SYN3: variants seen among roughly 807,000 people sequenced by gnomAD.
SYN3 encodes synapsin III, also known as synapsin-3.
In SYN3, 35 loss-of-function variants were observed where a neutral mutation model predicts 65.8. The observed-to-expected ratio is 0.53, with a 90% CI of 0.41 to 0.70. The LOEUF (loss-of-function observed/expected upper bound fraction) is 0.70, where lower values mean the gene tolerates loss of function less well. SYN3 is among the 30% of genes least tolerant of loss of function. SYN3 has a pLI of 0.00. For synonymous variants in SYN3, 270 were observed against 292.9 expected (o/e 0.92, Z 0.80); for missense variants, 680 against 749.0 (o/e 0.91, Z 1.08).
At chr22:32,867,489 A>G (rs2048716165) in intron 5 of SYN3, among the ~76,000 whole-genome samples, 1 of 152,250 alleles carries the variant, frequency 6.6e-6, no homozygotes, top group African/African-American at 2.4e-5. Flanking sequence ...ATAATGCACA[A>G]ATGAATGGAT....
chr22:32,922,740 G>A (rs972346373), intron 4 of SYN3, among the ~76,000 whole-genome samples: 3 of 152,132 alleles, frequency 2.0e-5, no homozygotes, highest in Non-Finnish European at 1.5e-5. Context: ...AAGAGTTCTG[G>A]CACTGGCCTG....
chr22:32,986,068 A>G lies in SYN3; in HGVS notation c.312-5366T>C, dbSNP rs187810528. Among the ~76,000 whole-genome samples the G allele has an allele frequency of 6.6e-5, 10 of 152,206 alleles. No homozygotes were observed. In the East Asian group the frequency reaches 1.7e-3, roughly 27 times the overall value. On this transcript the variant is annotated intron_variant, in intron 2 of 13. Coordinates refer to ENST00000358763, the MANE Select transcript of SYN3 (RefSeq NM_003490.4). Reference sequence around the variant, plus strand: ...TAGTCTGTGAGCTCCTGGAAACCAGAAACTGAGTCTCCATGCTCACTGTGT... The same window carrying G: ...TAGTCTGTGAGCTCCTGGAAACCAGGAACTGAGTCTCCATGCTCACTGTGT...
chr22:32,622,195 A>G (rs572126974), intron 6 of SYN3, among the ~76,000 whole-genome samples: 451 of 152,046 alleles, frequency 3.0e-3, no homozygotes, highest in Non-Finnish European at 5.5e-3. Context: ...GAGAATGCAC[A>G]AAGGCCCCAC....
intron 3 of SYN3, among the ~76,000 whole-genome samples, chr22:32,976,814 T>C (rs2052204829): frequency 6.6e-6 from 1 of 152,164 alleles, no homozygotes; most frequent in South Asian, 2.1e-4. Context: ...GGAGGCTTCC[T>C]CTAGGCCAAC....
At chr22:32,717,297 C>G (rs1555934449) in intron 6 of SYN3, among the ~76,000 whole-genome samples, 1 of 152,186 alleles carries the variant, frequency 6.6e-6, no homozygotes, top group Non-Finnish European at 1.5e-5. Flanking sequence ...AGAAGAAAGA[C>G]CCCTGTAAGG....
intron 7 of SYN3, among the ~76,000 whole-genome samples, chr22:32,575,276 C>T (rs1202920898): frequency 2.0e-5 from 3 of 152,222 alleles, no homozygotes; most frequent in Admixed American, 6.5e-5. Context: ...GAAGGTTGGA[C>T]GCCACATCTT....
In SYN3 at chr22:32,751,876, C is replaced by T. The variant is rs12106640; in HGVS notation, c.711+113039G>A. Among the ~76,000 whole-genome samples, 922 of 152,276 alleles carry T rather than the reference C, an allele frequency of 6.1e-3. 8 individuals carry two copies. Among genetic ancestry groups the T allele is most frequent in the African/African-American group, 0.021 (886 of 41,554 alleles). Reference sequence around the variant, plus strand: ...AAAATAATAGGAAGCATTTAGTGAGCACTTACTATGTGTCAGCTGGGCACT... The same window carrying T: ...AAAATAATAGGAAGCATTTAGTGAGTACTTACTATGTGTCAGCTGGGCACT... On this transcript the variant is annotated intron_variant, in intron 6 of 13. Transcript: ENST00000358763.
In SYN3 at chr22:32,528,861, G is replaced by A. The variant is rs759694221; in HGVS notation, c.1230+13C>T. ...CATGGCTATAAAGTCTCCTTTGATCGTGAGGGTCTTACCCAAGGTCTGAGG... is the reference window on the plus strand; with the variant it reads ...CATGGCTATAAAGTCTCCTTTGATCATGAGGGTCTTACCCAAGGTCTGAGG... On this transcript the variant is annotated intron_variant, in intron 11 of 13. Coordinates refer to ENST00000358763, the MANE Select transcript of SYN3 (RefSeq NM_003490.4). 8 of 1,613,940 alleles carry A rather than the reference G, an allele frequency of 5.0e-6. No homozygotes were observed. The highest frequency in any genetic ancestry group is 2.7e-5 in the African/African-American group (2 of 74,934).
intron 6 of SYN3, chr22:32,857,384 G>A (rs2048400544): frequency 6.3e-7 from 1 of 1,592,632 alleles, no homozygotes; most frequent in Non-Finnish European, 8.6e-7. Context: ...CTAGCTTCTA[G>A]GCCAGGGTTT....
chr22:32,577,187 T>TC (rs2058864127), intron 7 of SYN3, among the ~76,000 whole-genome samples: 1 of 152,130 alleles, frequency 6.6e-6, no homozygotes, highest in South Asian at 2.1e-4. Flanking sequence ...CATCGCTGCT[T>TC]CCCCCCATTC....
intron 4 of SYN3, among the ~76,000 whole-genome samples, chr22:32,884,363 T>A (rs1415466043): frequency 6.6e-6 from 1 of 152,140 alleles, no homozygotes; most frequent in Non-Finnish European, 1.5e-5. Context: ...AACTGTGGGA[T>A]CCCAGGAACA....
Position 32,826,461 on chromosome 22 carries a change from A to G in SYN3, c.711+38454T>C, listed in dbSNP as rs570681070. On this transcript the variant is annotated intron_variant, in intron 6 of 13. Coordinates refer to ENST00000358763, the MANE Select transcript of SYN3 (RefSeq NM_003490.4). Reference sequence around the variant, plus strand: ...ATAAATAAATAAATAAACAAAATTTAAAAAGGTAATAATGTAAGAAAATAA... The same window carrying G: ...ATAAATAAATAAATAAACAAAATTTGAAAAGGTAATAATGTAAGAAAATAA... 5.5e-4 allele frequency among the ~76,000 whole-genome samples: 83 copies of G among 152,280 alleles called. 1 individual carries two copies. The highest frequency in any genetic ancestry group is 1.9e-3 in the African/African-American group (81 of 41,562).
At chr22:33,041,102 A>G (rs183966231) in intron 1 of SYN3, among the ~76,000 whole-genome samples, 1,882 of 151,608 alleles carry the variant, frequency 0.012, 16 homozygotes, top group Middle Eastern at 0.031. Context: ...TATTTTTAGT[A>G]GAGATGGGTT....
In SYN3 at chr22:33,002,315, C is replaced by T. The variant is rs201309015; in HGVS notation, c.311+4037G>A. Among the ~76,000 whole-genome samples, 14 of 152,276 alleles carry T rather than the reference C, an allele frequency of 9.2e-5. No homozygotes were observed. In the East Asian group the frequency reaches 1.9e-3, roughly 21 times the overall value. On this transcript the variant is annotated intron_variant, in intron 2 of 13. Coordinates refer to ENST00000358763, the MANE Select transcript of SYN3 (RefSeq NM_003490.4). Reference sequence around the variant, plus strand: ...TGATGGTCTGAATCTGCTGAACATACTTTAATGTTGACTTTACATAGAGTA... The same window carrying T: ...TGATGGTCTGAATCTGCTGAACATATTTTAATGTTGACTTTACATAGAGTA...
At chr22:32,744,929 T>C (rs2044881276) in intron 6 of SYN3, among the ~76,000 whole-genome samples, 1 of 152,102 alleles carries the variant, frequency 6.6e-6, no homozygotes, top group Non-Finnish European at 1.5e-5. Context: ...CCAGGAAGAC[T>C]TTCTGGAAGG....
At chr22:32,987,891 AAAAT>A (rs1444062208) in intron 2 of SYN3, among the ~76,000 whole-genome samples, 1 of 152,238 alleles carries the variant, frequency 6.6e-6, no homozygotes, top group Non-Finnish European at 1.5e-5. Context: ...GAAAAGACAA[AAAAT>A]AAATAAATAA....
chr22:32,630,465 A>T (rs1429866861), intron 6 of SYN3, among the ~76,000 whole-genome samples: 1 of 152,198 alleles, frequency 6.6e-6, no homozygotes, highest in Non-Finnish European at 1.5e-5. Flanking sequence ...GCAAAATACT[A>T]ATATTTTAAT....
intron 6 of SYN3, among the ~76,000 whole-genome samples, chr22:32,841,885 A>G (rs921976557): frequency 6.6e-6 from 1 of 152,150 alleles, no homozygotes; most frequent in Non-Finnish European, 1.5e-5. Context: ...TGAGAGTTCT[A>G]GGTTGGCGGT....
chr22:32,973,408 T>C (rs188801354), intron 3 of SYN3, among the ~76,000 whole-genome samples: 106 of 152,184 alleles, frequency 7.0e-4, no homozygotes, highest in Admixed American at 2.0e-3. Context: ...TTGAATATAC[T>C]ACTTTTACCC....
Sources: allele counts gnomAD v4.1 joint callset (sites outside exome capture counted in the v4.1 genomes callset), GRCh38; gene constraint gnomAD v4.1.1; transcripts MANE v1.5; gene names NCBI Gene and HGNC (gene_info 2026-07-23, HGNC 2026-07-21).